Variants in XRCC6 observed in about 807,000 individuals in gnomAD.
The protein encoded by XRCC6 is X-ray repair cross complementing 6, also known as DNA repair protein Ku70.
XRCC6 carries 5 observed loss-of-function variants against 65.7 expected under a neutral mutation model. That is an observed-to-expected ratio of 0.08 (90% confidence interval 0.04 to 0.16). The LOEUF (loss-of-function observed/expected upper bound fraction) is 0.16, where lower values mean the gene tolerates loss of function less well. Among genes scored for constraint, XRCC6 ranks in the 10% least tolerant of loss-of-function variants. The pLI, the probability that XRCC6 is intolerant of heterozygous loss-of-function variation, is 1.00. For synonymous variants in XRCC6, 270 were observed against 270.6 expected (o/e 1.00, Z 0.02); for missense variants, 447 against 738.1 (o/e 0.61, Z 4.57).
chr22:41,631,636 T>G (rs553636443), intron 3 of XRCC6, among the ~76,000 whole-genome samples: 1,351 of 114,780 alleles, frequency 0.012, 39 homozygotes, highest in African/African-American at 0.049. Flanking sequence ...CGCTCCTCAC[T>G]TTCCAGACTG....
Position 41,656,887 on chromosome 22 carries a change from T to G in XRCC6, c.1292-16T>G, listed in dbSNP as rs1229330471. Reference sequence around the variant, plus strand: ...ACTTGAAGTCAAATCAAAGAAAATTTATCTCCTTTCTTCAGGCTTCCAGCT... The same window carrying G: ...ACTTGAAGTCAAATCAAAGAAAATTGATCTCCTTTCTTCAGGCTTCCAGCT... On this transcript the variant is annotated splice_polypyrimidine_tract_variant and intron_variant, in intron 9 of 12. Transcript: ENST00000360079. The G allele has an allele frequency of 6.2e-7, 1 of 1,612,190 alleles. No individual in the cohort carries two copies. Among genetic ancestry groups the G allele is most frequent in the Admixed American group, 1.7e-5 (1 of 59,878 alleles).
At position 41,632,572 on chromosome 22, in the gene XRCC6, C is replaced by T. The variant is rs141212117; in HGVS notation, c.196-3541C>T. Among the ~76,000 whole-genome samples the T allele has an allele frequency of 2.6e-4, 39 of 151,924 alleles. 1 individual carries two copies. In the East Asian group the frequency reaches 3.7e-3, roughly 14 times the overall value. On this transcript the variant is annotated intron_variant, in intron 3 of 12. Transcript: ENST00000360079. ...GTTGCAGTGAGCCAGGATCACGCCACTGCACTCCATCCTGGGTGACAGAGA... is the reference window on the plus strand; with the variant it reads ...GTTGCAGTGAGCCAGGATCACGCCATTGCACTCCATCCTGGGTGACAGAGA...
Position 41,637,508 on chromosome 22 carries a change from C to T in XRCC6, c.590-100C>T, listed in dbSNP as rs376815668. On this transcript the variant is annotated intron_variant, in intron 5 of 12. Coordinates refer to ENST00000360079, the MANE Select transcript of XRCC6 (RefSeq NM_001469.5). ...CTGAAAATGTTAATAGTCTAGTTTT[C>T]AGGGAGCTTTTAAAAGCATGTTTCA... is the stretch of plus-strand genomic sequence containing the variant. 10 of 1,115,216 alleles carry T rather than the reference C, an allele frequency of 9.0e-6. No individual in the cohort carries two copies. The African/African-American group carries it at 1.3e-4, about 14-fold the overall frequency. 69.1% of individuals were successfully genotyped at this position (1,115,216 alleles called of 1,614,324 possible). A position where few individuals can be genotyped will look rare whatever the true frequency, so the allele number is the denominator to read the frequency against.
chr22:41,648,747 C>T (rs1310871276), intron 7 of XRCC6, among the ~76,000 whole-genome samples: 1 of 152,092 alleles, frequency 6.6e-6, no homozygotes. Flanking sequence ...TTTTGCCCTA[C>T]TCTTTGAAGG....
chr22:41,658,485 G>A, intron 11 of XRCC6, 133 bp downstream of exon 11: 1 of 841,764 alleles, frequency 1.2e-6, no homozygotes, highest in South Asian at 1.7e-5. Context: ...CCTCTGTTTG[G>A]AAGCTTTTCC....
chr22:41,637,160 T>C (rs540501300), intron 5 of XRCC6, among the ~76,000 whole-genome samples: 1 of 149,276 alleles, frequency 6.7e-6, no homozygotes, highest in African/African-American at 2.5e-5. Context: ...CTTGGCTCAC[T>C]GCAACCTCCG....
At chr22:41,644,428 T>A (rs1210163608) in intron 6 of XRCC6, among the ~76,000 whole-genome samples, 1 of 152,192 alleles carries the variant, frequency 6.6e-6, no homozygotes, top group Admixed American at 6.6e-5. Flanking sequence ...TTTTCCCCCA[T>A]AATATAAGAA....
intron 3 of XRCC6, among the ~76,000 whole-genome samples, chr22:41,631,276 C>T (rs574662730): frequency 5.9e-5 from 9 of 151,494 alleles, no homozygotes; most frequent in African/African-American, 1.9e-4. Context: ...GCTGACCCCC[C>T]ACCTCCCTCC....
chr22:41,633,133 A>G (rs1457347284), intron 3 of XRCC6, among the ~76,000 whole-genome samples: 1 of 152,178 alleles, frequency 6.6e-6, no homozygotes, highest in East Asian at 1.9e-4. Context: ...TCTCAAAAAA[A>G]AAAAGTGTAT....
At chr22:41,621,518 G>T (rs2067603839) in intron 1 of XRCC6, 173 bp downstream of exon 1, 1 of 167,646 alleles carries the variant, frequency 6.0e-6, no homozygotes, top group African/African-American at 2.4e-5. Flanking sequence ...TCCTCGGGAA[G>T]GAGGCGGCAC....
At chr22:41,630,882 A>G (rs933823702) in intron 3 of XRCC6, among the ~76,000 whole-genome samples, 37 of 152,184 alleles carry the variant, frequency 2.4e-4, no homozygotes, top group South Asian at 2.1e-4. Context: ...AGACACGGCA[A>G]CCATCCGATT....
chr22:41,633,227 AAC>A (rs1439185124), intron 3 of XRCC6, among the ~76,000 whole-genome samples: 2 of 152,228 alleles, frequency 1.3e-5, no homozygotes, highest in African/African-American at 2.4e-5. Flanking sequence ...AGGACATTAA[AAC>A]ACAGACTACA....
At chr22:41,661,559 C>A in intron 12 of XRCC6, 115 bp downstream of exon 12, 1 of 881,452 alleles carries the variant, frequency 1.1e-6, no homozygotes, top group Non-Finnish European at 1.7e-6. Context: ...GTTAAAATGG[C>A]TTTTATCCAA....
At chr22:41,660,208 C>T (rs1160260534) in intron 11 of XRCC6, among the ~76,000 whole-genome samples, 1 of 152,198 alleles carries the variant, frequency 6.6e-6, no homozygotes, top group Non-Finnish European at 1.5e-5. Flanking sequence ...TGTGACACAG[C>T]TCATGTCAGA....
chr22:41,636,242 G>C lies in XRCC6; in HGVS notation c.325G>C (p.Asp109His). The change falls in exon 4 of 13, where the codon GAT becomes CAT. Residue 109 changes from aspartate (D) to histidine (H), a missense_variant. Around this residue, in one of 4 missense-constraint regions of XRCC6, gnomAD observed 228 missense variants for 307.4 expected, o/e 0.74. Transcript: ENST00000360079. ...FKNIYVLQEL[D>H]NPGAKRILEL... is the part of the protein sequence containing the mutation. ...AAATATTTACGTCTTACAGGAGCTG[G>C]ATAATCCAGGTCAGTAATATTTTAA... 6.3e-7 allele frequency: 1 copy of C among 1,591,834 alleles called. No homozygotes were observed. The highest frequency in any genetic ancestry group is 8.5e-7 in the Non-Finnish European group (1 of 1,173,706).
intron 6 of XRCC6, among the ~76,000 whole-genome samples, chr22:41,645,606 C>T (rs942591049): frequency 4.0e-5 from 6 of 151,670 alleles, no homozygotes; most frequent in African/African-American, 1.2e-4. Flanking sequence ...AAACTGTAGT[C>T]GGGGAAGGGT....
intron 6 of XRCC6, among the ~76,000 whole-genome samples, chr22:41,639,371 C>CT (rs1365355867): frequency 9.0e-6 from 1 of 111,024 alleles, no homozygotes; most frequent in Non-Finnish European, 1.8e-5. Context: ...AAGTCTCACC[C>CT]TGTTGCCCAG....
intron 6 of XRCC6, among the ~76,000 whole-genome samples, chr22:41,643,404 A>G (rs1025439685): frequency 6.6e-6 from 1 of 152,026 alleles, no homozygotes; most frequent in African/African-American, 2.4e-5. Context: ...GCGAGACTCC[A>G]TCTCAAAAAC....
Position 41,653,570 on chromosome 22 carries a change from G to A in XRCC6, c.1171G>A (p.Glu391Lys). 6.2e-7 allele frequency: 1 copy of A among 1,613,898 alleles called. No homozygotes were observed. The highest frequency in any genetic ancestry group is 2.2e-5 in the East Asian group (1 of 44,876). ...CAGTGCTCTGCTCATCAAGTGTCTG[G>A]AGAAGGAGGTTGCAGCATTGTGCAG... ...LFSALLIKCLEKEVAALCRYT... is the reference protein window; with the variant it reads ...LFSALLIKCLKKEVAALCRYT... Residue 391 changes from glutamate (E) to lysine (K), a missense_variant, in exon 9 of 13, where the codon GAG becomes AAG. This residue lies in a region of XRCC6 where 201 missense variants were observed against 374.1 expected (regional missense o/e 0.54). Coordinates refer to ENST00000360079, the MANE Select transcript of XRCC6 (RefSeq NM_001469.5).
Sources: allele counts gnomAD v4.1 joint callset (sites outside exome capture counted in the v4.1 genomes callset), GRCh38; gene constraint gnomAD v4.1.1; regional missense constraint gnomAD v4.1.1; transcripts MANE v1.5; gene names NCBI Gene and HGNC (gene_info 2026-07-23, HGNC 2026-07-21).